SETD7: variants seen among roughly 807,000 people sequenced by gnomAD.
The protein encoded by SETD7 is histone-lysine N-methyltransferase SETD7.
In SETD7, 16 loss-of-function variants were observed where a neutral mutation model predicts 41.8. The observed-to-expected ratio is 0.38, with a 90% confidence interval of 0.26 to 0.58. SETD7 has a LOEUF of 0.58. SETD7 is among the 20% of genes least tolerant of loss of function. The pLI is 0.64. For synonymous variants in SETD7, 163 were observed against 169.7 expected (o/e 0.96, Z 0.31); for missense variants, 346 against 459.7 (o/e 0.75, Z 2.26).
intron 2 of SETD7, among the ~76,000 whole-genome samples, chr4:139,534,562 T>G (rs900768741): frequency 6.7e-6 from 1 of 150,268 alleles, no homozygotes; most frequent in Non-Finnish European, 1.5e-5. Context: ...TTAATTTTTG[T>G]TTTTTTTTGT....
downstream of SETD7, among the ~76,000 whole-genome samples, chr4:139,501,257 T>G (rs1454989280): frequency 6.6e-6 from 1 of 152,184 alleles, no homozygotes; most frequent in Non-Finnish European, 1.5e-5. Flanking sequence ...GACTGCTATG[T>G]GGTAAAGCTT....
chr4:139,501,433 G>C (rs1007056484), downstream of SETD7, among the ~76,000 whole-genome samples: 1 of 151,640 alleles, frequency 6.6e-6, no homozygotes, highest in African/African-American at 2.4e-5. Flanking sequence ...AGACTCAGAA[G>C]GGGGAGGGTG....
chr4:139,518,922 C>A (rs1727105476), intron 6 of SETD7, among the ~76,000 whole-genome samples: 1 of 152,202 alleles, frequency 6.6e-6, no homozygotes, highest in South Asian at 2.1e-4. Context: ...TTGAAGCCAA[C>A]AGGATGACAT....
chr4:139,501,395 G>A (rs1219891369), downstream of SETD7, among the ~76,000 whole-genome samples: 1 of 133,720 alleles, frequency 7.5e-6, no homozygotes, highest in Non-Finnish European at 1.6e-5. Flanking sequence ...GTACACAGAG[G>A]CATTCAGAGT....
intron 4 of SETD7, among the ~76,000 whole-genome samples, chr4:139,527,051 A>G (rs1727353104): frequency 6.6e-6 from 1 of 152,226 alleles, no homozygotes; most frequent in African/African-American, 2.4e-5. Context: ...GTTGGTCATT[A>G]TGCAAACATC....
intron 2 of SETD7, among the ~76,000 whole-genome samples, chr4:139,543,216 A>G (rs1727826439): frequency 6.6e-6 from 1 of 152,222 alleles, no homozygotes. Context: ...ATTTTACCCA[A>G]CACATCAAGC....
In SETD7 at chr4:139,516,074, C is replaced by T. The variant is rs1308093582; in HGVS notation, c.920+1811G>A. The stretch of plus-strand genomic sequence containing the variant: ...ACTACTAAAGTGTTTGTAGGGCTAC[C>T]ATGTAAAAGAGAGTCTGACATGGGA... On this transcript the variant is annotated intron_variant, in intron 7 of 7. Transcript: ENST00000274031. 5.3e-5 allele frequency among the ~76,000 whole-genome samples: 8 copies of T among 152,018 alleles called. No individual in the cohort carries two copies. In the East Asian group the frequency reaches 1.5e-3, roughly 29 times the overall value.
At chr4:139,548,807 TG>T (rs1728032549) in intron 1 of SETD7, among the ~76,000 whole-genome samples, 1 of 152,174 alleles carries the variant, frequency 6.6e-6, no homozygotes, top group Non-Finnish European at 1.5e-5. Flanking sequence ...ATAATCAATA[TG>T]GATCCCTTCC....
chr4:139,520,500 C>T (rs1727149180), intron 5 of SETD7, 106 bp from the exon 6 acceptor site: 3 of 579,964 alleles, frequency 5.2e-6, no homozygotes, highest in Non-Finnish European at 8.8e-6. Context: ...AATGTCAATT[C>T]ATAACCCAAC....
intron 6 of SETD7, 116 bp from the exon 7 acceptor site, chr4:139,518,158 C>A: frequency 8.8e-7 from 1 of 1,133,922 alleles, no homozygotes; most frequent in Non-Finnish European, 1.2e-6. Context: ...GACAGGGTCT[C>A]ACTCTGTCAC....
At chr4:139,544,832 G>C (rs1727893254) in intron 2 of SETD7, among the ~76,000 whole-genome samples, 2 of 151,206 alleles carry the variant, frequency 1.3e-5, no homozygotes, top group South Asian at 4.2e-4. Context: ...GTGTGTGTTT[G>C]TGTGTGGAGG....
intron 3 of SETD7, among the ~76,000 whole-genome samples, chr4:139,531,976 C>A (rs986631556): frequency 6.6e-6 from 1 of 152,162 alleles, no homozygotes; most frequent in Non-Finnish European, 1.5e-5. Context: ...TGCCTGCAAT[C>A]CCAGCTACTT....
downstream of SETD7, among the ~76,000 whole-genome samples, chr4:139,501,926 G>T (rs543537058): frequency 4.6e-5 from 7 of 152,340 alleles, no homozygotes; most frequent in Admixed American, 3.3e-4. Flanking sequence ...CTGTGGCTAT[G>T]CCTGGAAAGG....
intron 5 of SETD7, among the ~76,000 whole-genome samples, chr4:139,521,285 G>T (rs1463214211): frequency 6.6e-6 from 1 of 152,118 alleles, no homozygotes; most frequent in Non-Finnish European, 1.5e-5. Flanking sequence ...AAATAGCTGG[G>T]TGTGGTGGCG....
At chr4:139,518,357 G>A (rs528225713) in intron 6 of SETD7, among the ~76,000 whole-genome samples, 6 of 152,246 alleles carry the variant, frequency 3.9e-5, no homozygotes, top group African/African-American at 1.2e-4. Context: ...TCGAACTCCT[G>A]ACCTCAGATG....
intron 1 of SETD7, among the ~76,000 whole-genome samples, chr4:139,552,886 A>C (rs1185035443): frequency 2.0e-5 from 3 of 152,204 alleles, no homozygotes; most frequent in Non-Finnish European, 4.4e-5. Flanking sequence ...AGACCACATC[A>C]TATTCATCTT....
chr4:139,543,877 T>C (rs1018728617), intron 2 of SETD7, among the ~76,000 whole-genome samples: 4 of 151,068 alleles, frequency 2.6e-5, no homozygotes, highest in South Asian at 2.1e-4. Flanking sequence ...GGCAGGAGAA[T>C]GGTGTGAACC....
At chr4:139,522,306 T>G (rs1450533869) in intron 5 of SETD7, among the ~76,000 whole-genome samples, 1 of 152,090 alleles carries the variant, frequency 6.6e-6, no homozygotes, top group African/African-American at 2.4e-5. Flanking sequence ...CAATTTCAGA[T>G]AGTACGCTTA....
downstream of SETD7, among the ~76,000 whole-genome samples, chr4:139,502,110 T>A (rs76803818): frequency 6.6e-6 from 1 of 152,182 alleles, no homozygotes; most frequent in Non-Finnish European, 1.5e-5. Context: ...CAACCCAAGA[T>A]GATTACCCAA....
Sources: allele counts gnomAD v4.1 joint callset (sites outside exome capture counted in the v4.1 genomes callset), GRCh38; gene constraint gnomAD v4.1.1; transcripts MANE v1.5; gene names NCBI Gene and HGNC (gene_info 2026-07-23, HGNC 2026-07-21).